TPGS2: variants seen among roughly 807,000 people sequenced by gnomAD.
The protein encoded by TPGS2 is polyglutamylase subunit 2.
Under a neutral mutation model 31.1 loss-of-function variants are expected in TPGS2, and 26 were observed. The observed-to-expected ratio is 0.84, with a 90% CI of 0.61 to 1.16. The LOEUF (loss-of-function observed/expected upper bound fraction) is 1.16, where lower values mean the gene tolerates loss of function less well. Ranked by LOEUF, TPGS2 falls within the 50% of genes most tolerant of loss-of-function variation. The pLI is 0.00. For synonymous variants in TPGS2, 130 were observed against 136.6 expected, an observed-to-expected ratio of 0.95 and a Z score of 0.34; for missense variants, 351 against 363.8, an observed-to-expected ratio of 0.96 and a Z score of 0.29.
chr18:36,794,446 C>T lies in TPGS2; in HGVS notation c.*2359G>A, dbSNP rs1006205437. On this transcript the variant is annotated 3_prime_UTR_variant, in exon 7 of 7. Coordinates refer to ENST00000334295, the MANE Select transcript of TPGS2 (RefSeq NM_015476.4). ...GACACCGCTGACCTCCTGGTTCCTC[C>T]GCTGCTTCACTTGTGGAATCCAGGG... The T allele has an allele frequency of 5.2e-5, 51 of 985,454 alleles. No homozygotes were observed. The African/African-American group carries it at 7.8e-4, about 15-fold the overall frequency. 61.0% of individuals were successfully genotyped at this position (985,454 alleles called of 1,614,324 possible). A position where few individuals can be genotyped will look rare whatever the true frequency, so the allele number is the denominator to read the frequency against.
intron 2 of TPGS2, 128 bp from the exon 3 acceptor site, chr18:36,808,062 C>CTCTATTAGA (rs1210407202): frequency 2.3e-6 from 2 of 857,684 alleles, no homozygotes; most frequent in African/African-American, 3.4e-5. Context: ...TGATAGTCAC[C>CTCTATTAGA]TACAAAACTC....
intron 6 of TPGS2, chr18:36,787,126 A>G: frequency 8.1e-7 from 1 of 1,232,308 alleles, no homozygotes; most frequent in Non-Finnish European, 1.0e-6. Context: ...TTCAGAATTT[A>G]AAGATATTCC....
intron 6 of TPGS2, chr18:36,788,825 C>G (rs1166438398): frequency 6.6e-6 from 1 of 152,166 alleles, no homozygotes; most frequent in Non-Finnish European, 1.5e-5. Flanking sequence ...TCCATCCCCT[C>G]AAACATTTAT....
At chr18:36,797,830 CA>C (rs2044607754) in intron 6 of TPGS2, among the ~76,000 whole-genome samples, 1 of 151,760 alleles carries the variant, frequency 6.6e-6, no homozygotes. Flanking sequence ...AAATGGTGAC[CA>C]GACCTGTAAT....
downstream of TPGS2, among the ~76,000 whole-genome samples, chr18:36,791,627 A>T (rs1322571334): frequency 6.6e-6 from 1 of 152,180 alleles, no homozygotes; most frequent in Non-Finnish European, 1.5e-5. Flanking sequence ...ATTCTCAACT[A>T]TATATTAGCT....
Position 36,794,832 on chromosome 18 carries a change from A to AACACACACACACACACACAC in TPGS2, c.*1953_*1972dup, listed in dbSNP as rs60958340. The stretch of plus-strand genomic sequence containing the variant: ...TATGTGACAGTCATGTTATGGTTAA[A>AACACACACACACACACACAC]ACACACACACACACACACACACACA... On this transcript the variant is annotated 3_prime_UTR_variant, in exon 7 of 7. Coordinates refer to ENST00000334295, the MANE Select transcript of TPGS2 (RefSeq NM_015476.4). 3.0e-5 allele frequency: 23 copies of AACACACACACACACACACAC among 760,118 alleles called. No homozygotes were observed. In the African/African-American group the frequency reaches 4.3e-4, roughly 14 times the overall value. 47.1% of individuals were successfully genotyped at this position (760,118 alleles called of 1,614,324 possible).
Position 36,795,096 on chromosome 18 carries a change from TCA to T in TPGS2, c.*1707_*1708del. ...GCCCTGATCCTTGAAGGCTAACTCTTCACCTTGGTTTTCCTCAGGGGCTATGG... is the reference window on the plus strand; with the variant it reads ...GCCCTGATCCTTGAAGGCTAACTCTTCCTTGGTTTTCCTCAGGGGCTATGG... On this transcript the variant is annotated 3_prime_UTR_variant, in exon 7 of 7. Transcript: ENST00000334295. The T allele has an allele frequency of 2.0e-6, 2 of 985,452 alleles. No individual in the cohort carries two copies. The highest frequency in any genetic ancestry group is 2.4e-6 in the Non-Finnish European group (2 of 829,938). The allele number at this position is 985,452 out of a possible 1,614,324, so 61.0% of individuals were successfully genotyped here. A position where few individuals can be genotyped will look rare whatever the true frequency, so the allele number is the denominator to read the frequency against.
rs2044506725 is a variant in TPGS2, at chr18:36,795,936, A to AT, written c.*868dup. 1.4e-5 allele frequency: 14 copies of AT among 985,326 alleles called. No homozygotes were observed. The highest frequency in any genetic ancestry group is 1.4e-5 in the Non-Finnish European group (12 of 829,944). The allele number at this position is 985,326 out of a possible 1,614,324, so 61.0% of individuals were successfully genotyped here. ...GAGTTGTGCAAAACAATGTTTGGGAATTTTTTGTTTTTAAATGGTAAGAAT... is the reference window on the plus strand; with the variant it reads ...GAGTTGTGCAAAACAATGTTTGGGAATTTTTTTGTTTTTAAATGGTAAGAAT... On this transcript the variant is annotated 3_prime_UTR_variant, in exon 7 of 7. Coordinates refer to ENST00000334295, the MANE Select transcript of TPGS2 (RefSeq NM_015476.4).
chr18:36,828,677 C>T lies in TPGS2; in HGVS notation c.85+6G>A, dbSNP rs2046319663. ...ACCCTCTCGGCACCGTGCCCCCTTTCCTCACCTAGGATGCGCGTGATGCCC... is the reference window on the plus strand; with the variant it reads ...ACCCTCTCGGCACCGTGCCCCCTTTTCTCACCTAGGATGCGCGTGATGCCC... On this transcript the variant is annotated splice_donor_region_variant and intron_variant, in intron 1 of 6. Transcript: ENST00000334295. The T allele has an allele frequency of 1.2e-6, 2 of 1,613,982 alleles. No homozygotes were observed.
At chr18:36,799,352 A>G (rs2044689978) in intron 5 of TPGS2, among the ~76,000 whole-genome samples, 1 of 152,204 alleles carries the variant, frequency 6.6e-6, no homozygotes, top group African/African-American at 2.4e-5. Context: ...TGCATCAGAG[A>G]CAGCAATTAG....
chr18:36,792,532 C>T (rs1488654452), downstream of TPGS2, among the ~76,000 whole-genome samples: 1 of 152,122 alleles, frequency 6.6e-6, no homozygotes, highest in Non-Finnish European at 1.5e-5. Flanking sequence ...TTGAATTATT[C>T]TCCATGCAAT....
intron 2 of TPGS2, among the ~76,000 whole-genome samples, chr18:36,814,986 T>C (rs892183465): frequency 2.0e-5 from 3 of 152,188 alleles, no homozygotes; most frequent in Non-Finnish European, 2.9e-5. Flanking sequence ...TTTGGGCAAA[T>C]ATAGCCCAAA....
At chr18:36,787,110 T>C in intron 6 of TPGS2, 2 of 1,232,368 alleles carry the variant, frequency 1.6e-6, no homozygotes, top group Non-Finnish European at 2.0e-6. Context: ...AATACATGGG[T>C]CTTGGTTCAG....
chr18:36,823,868 A>G (rs1289447802), intron 1 of TPGS2: 30 of 985,224 alleles, frequency 3.0e-5, no homozygotes, highest in Non-Finnish European at 3.4e-5. Flanking sequence ...TCATCTTCAC[A>G]GTCCTGTGGA....
intron 5 of TPGS2, among the ~76,000 whole-genome samples, chr18:36,799,962 A>G (rs2044722589): frequency 6.6e-6 from 1 of 152,176 alleles, no homozygotes; most frequent in South Asian, 2.1e-4. Context: ...CCATATTCTA[A>G]TCTCATCAAC....
intron 6 of TPGS2, 51 bp from the exon 7 acceptor site, chr18:36,797,101 TTC>T (rs1269846172): frequency 6.3e-7 from 1 of 1,590,564 alleles, no homozygotes; most frequent in East Asian, 2.3e-5. Context: ...AAAAATGCCA[TTC>T]TGTGTGCTCT....
rs547122121 is a variant in TPGS2, at chr18:36,796,192, C to A, written c.*613G>T. The A allele has an allele frequency of 1.9e-4, 192 of 985,212 alleles. No individual in the cohort carries two copies. The highest frequency in any genetic ancestry group is 4.3e-4 in the Admixed American group (7 of 16,262). The allele number at this position is 985,212 out of a possible 1,614,324, so 61.0% of individuals were successfully genotyped here. On this transcript the variant is annotated 3_prime_UTR_variant, in exon 7 of 7. Transcript: ENST00000334295. Reference sequence around the variant, plus strand: ...GAGAGGTTTCATGGAACATTATGACCCATCCAATGAAGACATCAACATTAA... The same window carrying A: ...GAGAGGTTTCATGGAACATTATGACACATCCAATGAAGACATCAACATTAA...
intron 1 of TPGS2, among the ~76,000 whole-genome samples, chr18:36,822,900 T>C (rs1169128893): frequency 6.6e-6 from 1 of 152,222 alleles, no homozygotes; most frequent in Non-Finnish European, 1.5e-5. Context: ...TGCCCAGCCA[T>C]GACCATTTAT....
In TPGS2 at chr18:36,788,285, G is replaced by A. The variant is rs142123616; in HGVS notation, c.658-5154C>T. Among the ~76,000 whole-genome samples the A allele has an allele frequency of 2.2e-3, 328 of 152,184 alleles. 1 individual carries two copies. The highest frequency in any genetic ancestry group is 7.5e-3 in the African/African-American group (311 of 41,516). On this transcript the variant is annotated intron_variant, in intron 6 of 6. Coordinates refer to the TPGS2 transcript ENST00000587129. ...TTGCTCAATAAACATACATTCTAGA[G>A]CCCCAACACCATGTCCCAGAACCTG...
Sources: allele counts gnomAD v4.1 joint callset (sites outside exome capture counted in the v4.1 genomes callset), GRCh38; gene constraint gnomAD v4.1.1; transcripts MANE v1.5; gene names NCBI Gene and HGNC (gene_info 2026-07-23, HGNC 2026-07-21).